The following FHIT variants were observed in gnomAD, a reference collection of about 807,000 sequenced individuals.
The protein encoded by FHIT is fragile histidine triad diadenosine triphosphatase, also known as bis(5'-adenosyl)-triphosphatase.
FHIT carries 19 observed loss-of-function variants against 17.9 expected under a neutral mutation model. That is an observed-to-expected ratio of 1.06 (90% CI 0.74 to 1.56). The LOEUF (loss-of-function observed/expected upper bound fraction) is 1.56, where lower values mean the gene tolerates loss of function less well. FHIT is among the 40% of genes most tolerant of loss of function. The probability of loss-of-function intolerance (pLI) is 0.00; values close to 1 mark genes in which losing one functional copy is unlikely to be tolerated. For synonymous variants in FHIT, 81 were observed against 69.7 expected (o/e 1.16, Z -0.81); for missense variants, 248 against 189.2 (o/e 1.31, Z -1.82).
intron 5 of FHIT, among the ~76,000 whole-genome samples, chr3:60,229,475 G>A (rs1468192463): frequency 6.6e-6 from 1 of 151,168 alleles, no homozygotes; most frequent in African/African-American, 2.4e-5. Flanking sequence ...AAGAAAGCAA[G>A]CCATTACCCA....
chr3:60,209,776 C>A (rs1703365612), intron 5 of FHIT, among the ~76,000 whole-genome samples: 1 of 152,132 alleles, frequency 6.6e-6, no homozygotes, highest in African/African-American at 2.4e-5. Context: ...GAGATCATGT[C>A]ATTTGCAGGG....
intron 3 of FHIT, among the ~76,000 whole-genome samples, chr3:60,877,503 T>C (rs1553756779): frequency 6.6e-6 from 1 of 152,196 alleles, no homozygotes; most frequent in Non-Finnish European, 1.5e-5. Flanking sequence ...ACACTGCTTC[T>C]AGGGGTCTGA....
chr3:60,596,585 G>A lies in FHIT; in HGVS notation c.-17-59606C>T, dbSNP rs531023077. Reference sequence around the variant, plus strand: ...TGTTCTTGGTGTTTGAATCACTCCTGCAGCAATTTCCTACACAGTCTCATA... The same window carrying A: ...TGTTCTTGGTGTTTGAATCACTCCTACAGCAATTTCCTACACAGTCTCATA... On this transcript the variant is annotated intron_variant, in intron 4 of 9. Coordinates refer to ENST00000492590, the MANE Select transcript of FHIT (RefSeq NM_002012.4). 3.3e-5 allele frequency among the ~76,000 whole-genome samples: 5 copies of A among 152,096 alleles called. No homozygotes were observed. The South Asian group carries it at 1.0e-3, about 32-fold the overall frequency.
chr3:60,784,186 T>C (rs142126238), intron 4 of FHIT, among the ~76,000 whole-genome samples: 10 of 152,252 alleles, frequency 6.6e-5, no homozygotes, highest in Admixed American at 2.0e-4. Flanking sequence ...TAGCTTCTAA[T>C]TGCATTCTGT....
intron 5 of FHIT, among the ~76,000 whole-genome samples, chr3:60,443,613 G>A (rs187824498): frequency 0.013 from 2,043 of 152,224 alleles, 41 homozygotes; most frequent in African/African-American, 0.046. Flanking sequence ...TTGCATCCCA[G>A]GGATGAAGCC....
At chr3:59,945,655 T>C (rs1255833294) in intron 7 of FHIT, among the ~76,000 whole-genome samples, 1 of 152,162 alleles carries the variant, frequency 6.6e-6, no homozygotes, top group Admixed American at 6.6e-5. Context: ...CATTTAAGTC[T>C]TCAGTAGTTT....
At chr3:61,131,562 A>G (rs935950993) in intron 2 of FHIT, among the ~76,000 whole-genome samples, 3 of 152,218 alleles carry the variant, frequency 2.0e-5, no homozygotes, top group African/African-American at 4.8e-5. Flanking sequence ...GGCACTGGAC[A>G]TGCAAAGTGG....
At chr3:60,471,011 C>A (rs1164402116) in intron 5 of FHIT, among the ~76,000 whole-genome samples, 2 of 152,196 alleles carry the variant, frequency 1.3e-5, no homozygotes, top group African/African-American at 2.4e-5. Flanking sequence ...GAAACGCTGT[C>A]TGGAAGCCAA....
rs73093973 is a variant in FHIT, at chr3:60,086,817, T to C, written c.104-72665A>G. Among the ~76,000 whole-genome samples the C allele has an allele frequency of 2.9e-3, 446 of 152,192 alleles. 4 individuals are homozygous for C. The highest frequency in any genetic ancestry group is 4.4e-3 in the Non-Finnish European group (301 of 68,022). On this transcript the variant is annotated intron_variant, in intron 5 of 9. Coordinates refer to ENST00000492590, the MANE Select transcript of FHIT (RefSeq NM_002012.4). ...AAGTAGCTGCTTTCCTTGGTTGGAG[T>C]TGAATGCCTGTGGCTTTTCCAGGTT...
chr3:60,273,757 G>A (rs1559779226), intron 5 of FHIT, among the ~76,000 whole-genome samples: 1 of 152,146 alleles, frequency 6.6e-6, no homozygotes, highest in African/African-American at 2.4e-5. Context: ...TTCTAAGCTT[G>A]TTTCTTTAAC....
In FHIT at chr3:60,194,145, C is replaced by T. The variant is rs557061629; in HGVS notation, c.104-179993G>A. Among the ~76,000 whole-genome samples, 23 of 152,154 alleles carry T rather than the reference C, an allele frequency of 1.5e-4. 1 individual carries two copies. The highest frequency in any genetic ancestry group is 8.5e-4 in the Admixed American group (13 of 15,282). ...CCCAAATAGCCAAAGAAATCCTAAA[C>T]GGAACAAATCTAGAGGCAACACATT... On this transcript the variant is annotated intron_variant, in intron 5 of 9. Coordinates refer to ENST00000492590, the MANE Select transcript of FHIT (RefSeq NM_002012.4).
At position 61,187,441 on chromosome 3, in the gene FHIT, G is replaced by C. The variant is rs548862392; in HGVS notation, c.-164+13176C>G. Among the ~76,000 whole-genome samples the C allele has an allele frequency of 1.4e-3, 216 of 152,208 alleles. 1 individual carries two copies. Among genetic ancestry groups the C allele is most frequent in the Non-Finnish European group, 1.2e-3 (80 of 68,008 alleles). ...CCCAGATTCATAAAGCAAGCCCTTA[G>C]AGACCTATAAAGAGATTTAGACTCC... On this transcript the variant is annotated intron_variant, in intron 2 of 9. Transcript: ENST00000492590.
At chr3:60,575,968 C>T (rs1419503921) in intron 4 of FHIT, among the ~76,000 whole-genome samples, 2 of 152,080 alleles carry the variant, frequency 1.3e-5, no homozygotes, top group Non-Finnish European at 2.9e-5. Flanking sequence ...GATGTAGTTG[C>T]AGAAGGACAC....
intron 8 of FHIT, among the ~76,000 whole-genome samples, chr3:59,901,249 T>A (rs2107079602): frequency 6.6e-6 from 1 of 152,362 alleles, no homozygotes; most frequent in East Asian, 1.9e-4. Context: ...GGAAAGATTC[T>A]AGGTTTTAAA....
At chr3:61,107,176 CTA>C (rs2036016132) in intron 2 of FHIT, among the ~76,000 whole-genome samples, 1 of 152,164 alleles carries the variant, frequency 6.6e-6, no homozygotes, top group Non-Finnish European at 1.5e-5. Context: ...TTCTCTGCCT[CTA>C]TGAGTTTGAC....
intron 5 of FHIT, among the ~76,000 whole-genome samples, chr3:60,498,264 T>C (rs2034384484): frequency 6.6e-6 from 1 of 152,186 alleles, no homozygotes; most frequent in Admixed American, 6.5e-5. Flanking sequence ...TGTAAAAATT[T>C]TGTACTACCA....
At chr3:60,471,063 G>A (rs2033065707) in intron 5 of FHIT, among the ~76,000 whole-genome samples, 1 of 152,196 alleles carries the variant, frequency 6.6e-6, no homozygotes, top group Non-Finnish European at 1.5e-5. Context: ...GGTGCCCTAT[G>A]CTACTATGGC....
At chr3:60,613,497 T>C (rs1372063914) in intron 4 of FHIT, among the ~76,000 whole-genome samples, 1 of 152,112 alleles carries the variant, frequency 6.6e-6, no homozygotes, top group Non-Finnish European at 1.5e-5. Context: ...AAACCCTAGC[T>C]CCTGAATGAA....
intron 7 of FHIT, among the ~76,000 whole-genome samples, chr3:59,954,249 T>C (rs1707281086): frequency 7.4e-6 from 1 of 135,784 alleles, no homozygotes; most frequent in Non-Finnish European, 1.6e-5. Context: ...TCCAAATGTG[T>C]GTTTGTATTG....
Sources: gnomAD v4.1 joint callset for allele counts (sites outside exome capture counted in the v4.1 genomes callset) on GRCh38, gnomAD v4.1.1 for gene constraint, MANE v1.5 for transcripts, NCBI Gene and HGNC (gene_info 2026-07-23, HGNC 2026-07-21) for gene names.